The following TBC1D12 variants were observed in gnomAD, a reference collection of about 807,000 sequenced individuals.
The protein encoded by TBC1D12 is TBC1 domain family, member 12.
TBC1D12 carries 56 observed loss-of-function variants against 86.7 expected under a neutral mutation model. The observed-to-expected ratio is 0.65, with a 90% CI of 0.52 to 0.81. TBC1D12 has a LOEUF of 0.81. Among genes scored for constraint, TBC1D12 ranks in the 30% least tolerant of loss-of-function variants. TBC1D12 has a pLI of 0.00. For missense variants in TBC1D12, 1,023 were observed against 1,038.8 expected, an observed-to-expected ratio of 0.98 and a Z score of 0.21; for synonymous variants, 421 against 411.7, an observed-to-expected ratio of 1.02 and a Z score of -0.27.
Position 94,491,624 on chromosome 10 carries a change from G to A in TBC1D12, c.1212-1741G>A, listed in dbSNP as rs578221185. ...AAATAACTTTTAATTTTTAAATTGC[G>A]TGCCATTCTGAGTAGCATGATGAAA... On this transcript the variant is annotated intron_variant, in intron 3 of 12. Transcript: ENST00000225235. Among the ~76,000 whole-genome samples the A allele has an allele frequency of 7.2e-5, 11 of 152,240 alleles. No individual in the cohort carries two copies. The South Asian group carries it at 1.0e-3, about 14-fold the overall frequency.
chr10:94,432,367 A>G (rs1480102798), intron 1 of TBC1D12, among the ~76,000 whole-genome samples: 2 of 152,188 alleles, frequency 1.3e-5, no homozygotes, highest in African/African-American at 4.8e-5. Flanking sequence ...TCCTAGGCTG[A>G]CCAGTGAAGC....
At chr10:94,431,901 C>T (rs1333415896) in intron 1 of TBC1D12, among the ~76,000 whole-genome samples, 1 of 152,036 alleles carries the variant, frequency 6.6e-6, no homozygotes, top group Non-Finnish European at 1.5e-5. Context: ...TTCTGCTTCC[C>T]CTCCCTTCAA....
rs1164037870 is a variant in TBC1D12 at position 94,465,810 on chromosome 10, G to A, written c.1096-8858G>A. On this transcript the variant is annotated intron_variant, in intron 2 of 12. Transcript: ENST00000225235. ...TACATATACGCATACATACATATAC[G>A]CATACATACACATATACGTATACGC... Among the ~76,000 whole-genome samples, 20 of 129,806 alleles carry A rather than the reference G, an allele frequency of 1.5e-4. No individual in the cohort carries two copies. The East Asian group carries it at 1.6e-3, about 11-fold the overall frequency. 85.2% of individuals were successfully genotyped at this position (129,806 alleles called of 152,430 possible). A position where few individuals can be genotyped will look rare whatever the true frequency, so the allele number is the denominator to read the frequency against.
At chr10:94,424,250 T>G (rs142832903) in intron 1 of TBC1D12, among the ~76,000 whole-genome samples, 5 of 152,186 alleles carry the variant, frequency 3.3e-5, no homozygotes, top group East Asian at 1.9e-4. Flanking sequence ...GGAAATAATA[T>G]TGTAAAGATA....
At chr10:94,406,716 C>T (rs1000356583) in intron 1 of TBC1D12, among the ~76,000 whole-genome samples, 1 of 152,220 alleles carries the variant, frequency 6.6e-6, no homozygotes, top group Admixed American at 6.5e-5. Context: ...TGCATAGTTG[C>T]TATTCTCAAC....
rs753662981 is a variant in TBC1D12 at position 94,499,310 on chromosome 10, TC to T, written c.1413-909del. Among the ~76,000 whole-genome samples the T allele has an allele frequency of 6.3e-4, 96 of 152,160 alleles. 1 individual carries two copies. Among genetic ancestry groups the T allele is most frequent in the Non-Finnish European group, 1.1e-3 (78 of 68,036 alleles). ...CCCTTTGATCAACATCTCACCTTTC[TC>T]CATTCACTTTACTCCCCGCTCCCCG... On this transcript the variant is annotated intron_variant, in intron 5 of 12. Coordinates refer to ENST00000225235, the MANE Select transcript of TBC1D12 (RefSeq NM_015188.2).
intron 1 of TBC1D12, among the ~76,000 whole-genome samples, chr10:94,406,216 T>C (rs993402559): frequency 6.6e-6 from 1 of 152,240 alleles, no homozygotes; most frequent in African/African-American, 2.4e-5. Context: ...TTGATTTAAT[T>C]TGTAAATTTT....
rs1454820274 is a variant in TBC1D12 at position 94,462,729 on chromosome 10, G to T, written c.1096-11939G>T. ...TTCTTATCTTTTTAATGTCTGCTAG[G>T]TATGTGATAGAAATGTGGATAGTGA... On this transcript the variant is annotated intron_variant, in intron 2 of 12. Transcript: ENST00000225235. 3.3e-5 allele frequency among the ~76,000 whole-genome samples: 5 copies of T among 152,170 alleles called. No homozygotes were observed. The South Asian group carries it at 1.0e-3, about 32-fold the overall frequency.
chr10:94,511,541 A>C (rs2860761), intron 8 of TBC1D12, 42 bp from the exon 9 acceptor site: 1,246,804 of 1,248,822 alleles, frequency 1, 622,418 homozygotes, highest in East Asian at 1. Flanking sequence ...AACTTAGAGA[A>C]AATTATTTGT....
chr10:94,444,836 G>A (rs1589619883), intron 2 of TBC1D12, among the ~76,000 whole-genome samples: 1 of 149,808 alleles, frequency 6.7e-6, no homozygotes, highest in African/African-American at 2.5e-5. Context: ...AGTTCACGCC[G>A]TTCTCCTGCC....
intron 9 of TBC1D12, among the ~76,000 whole-genome samples, chr10:94,513,019 C>A (rs1469268297): frequency 6.6e-6 from 1 of 151,890 alleles, no homozygotes; most frequent in Admixed American, 6.6e-5. Context: ...GAGGCCTAGG[C>A]GGGCAGATTC....
At chr10:94,412,840 T>C (rs980273269) in intron 1 of TBC1D12, among the ~76,000 whole-genome samples, 1 of 152,214 alleles carries the variant, frequency 6.6e-6, no homozygotes. Flanking sequence ...TAGTTATGGC[T>C]GATAGTTGCT....
intron 1 of TBC1D12, 76 bp from the exon 2 acceptor site, chr10:94,441,820 A>T: frequency 2.0e-6 from 3 of 1,487,302 alleles, no homozygotes; most frequent in Non-Finnish European, 2.7e-6. Context: ...CTTGGGAACA[A>T]ACTTATTATA....
At chr10:94,529,543 C>T (rs951491614) in intron 11 of TBC1D12, among the ~76,000 whole-genome samples, 20 of 152,020 alleles carry the variant, frequency 1.3e-4, no homozygotes, top group African/African-American at 4.3e-4. Context: ...GCTTGAACCC[C>T]GGAGGTGGAG....
At chr10:94,416,823 AG>A (rs1396983677) in intron 1 of TBC1D12, among the ~76,000 whole-genome samples, 1 of 152,140 alleles carries the variant, frequency 6.6e-6, no homozygotes, top group Non-Finnish European at 1.5e-5. Flanking sequence ...ACTAAAGAAG[AG>A]GGTTTGGGTT....
intron 7 of TBC1D12, chr10:94,509,114 T>TA (rs1443278914): frequency 6.7e-6 from 1 of 149,776 alleles, no homozygotes; most frequent in African/African-American, 2.5e-5. Flanking sequence ...AGTGTTTTTT[T>TA]TTTTTTTTTT....
intron 6 of TBC1D12, chr10:94,501,438 A>G (rs1379454560): frequency 6.5e-6 from 1 of 154,098 alleles, no homozygotes; most frequent in Non-Finnish European, 1.5e-5. Flanking sequence ...TCTCAAAAAA[A>G]GAAAAAAAAA....
chr10:94,465,561 G>A (rs1035357709), intron 2 of TBC1D12, among the ~76,000 whole-genome samples: 4 of 151,722 alleles, frequency 2.6e-5, no homozygotes, highest in East Asian at 1.9e-4. Context: ...CAGGAGAATC[G>A]CTTGAACCTG....
chr10:94,497,686 A>ATT, intron 5 of TBC1D12, among the ~76,000 whole-genome samples: 1 of 142,942 alleles, frequency 7.0e-6, no homozygotes, highest in African/African-American at 2.6e-5. Flanking sequence ...CGCCTGGCTA[A>ATT]TTTTTTTTTT....
Sources: gnomAD v4.1 joint callset for allele counts (sites outside exome capture counted in the v4.1 genomes callset) on GRCh38, gnomAD v4.1.1 for gene constraint, MANE v1.5 for transcripts, NCBI Gene and HGNC (gene_info 2026-07-23, HGNC 2026-07-21) for gene names.